ZBTB7C: variants seen among roughly 807,000 people sequenced by gnomAD.
ZBTB7C encodes zinc finger and BTB domain-containing protein 7C.
ZBTB7C carries 8 observed loss-of-function variants against 25.7 expected under a neutral mutation model. The observed-to-expected ratio is 0.31, with a 90% CI of 0.18 to 0.56. ZBTB7C has a LOEUF of 0.56. ZBTB7C is among the 20% of genes least tolerant of loss of function. The probability of loss-of-function intolerance (pLI) is 0.91; values close to 1 mark genes in which losing one functional copy is unlikely to be tolerated. For synonymous variants in ZBTB7C, 394 were observed against 369.0 expected (o/e 1.07, Z -0.78); for missense variants, 824 against 855.2 (o/e 0.96, Z 0.46).
intron 1 of ZBTB7C, among the ~76,000 whole-genome samples, chr18:48,377,473 A>G (rs1263514365): frequency 6.6e-6 from 1 of 152,234 alleles, no homozygotes; most frequent in African/African-American, 2.4e-5. Context: ...AAGGACAAAT[A>G]AGAGAAAACA....
At chr18:48,271,304 T>C (rs2044479191) in intron 2 of ZBTB7C, among the ~76,000 whole-genome samples, 1 of 152,120 alleles carries the variant, frequency 6.6e-6, no homozygotes. Context: ...AGTTGTTGAC[T>C]AGGCTCACTT....
intron 3 of ZBTB7C, among the ~76,000 whole-genome samples, chr18:48,139,405 A>G (rs2040273258): frequency 6.6e-6 from 1 of 152,062 alleles, no homozygotes; most frequent in Non-Finnish European, 1.5e-5. Context: ...GGGAAGCTGT[A>G]GGGAGGGGTG....
intron 1 of ZBTB7C, among the ~76,000 whole-genome samples, chr18:48,384,794 G>A (rs373969424): frequency 1.5e-4 from 23 of 152,162 alleles, no homozygotes; most frequent in African/African-American, 4.8e-4. Context: ...CAATTCTCAC[G>A]CCTCAGCCTC....
intron 3 of ZBTB7C, among the ~76,000 whole-genome samples, chr18:48,061,547 C>G (rs2037125793): frequency 6.6e-6 from 1 of 152,220 alleles, no homozygotes; most frequent in Non-Finnish European, 1.5e-5. Flanking sequence ...GCATACTCAA[C>G]AATGAGTTTC....
intron 3 of ZBTB7C, among the ~76,000 whole-genome samples, chr18:48,175,909 A>G (rs1247646321): frequency 2.0e-5 from 3 of 152,214 alleles, no homozygotes; most frequent in Non-Finnish European, 4.4e-5. Flanking sequence ...GCAAGAATGG[A>G]GGCAGTGCTG....
intron 3 of ZBTB7C, among the ~76,000 whole-genome samples, chr18:48,044,971 C>T (rs2036411284): frequency 6.6e-6 from 1 of 152,258 alleles, no homozygotes; most frequent in South Asian, 2.1e-4. Context: ...GAGCCTGCAT[C>T]TGGCTCCCCA....
intron 3 of ZBTB7C, among the ~76,000 whole-genome samples, chr18:48,135,746 C>T (rs532950473): frequency 2.0e-5 from 3 of 152,316 alleles, no homozygotes; most frequent in East Asian, 1.9e-4. Context: ...CAAGCCAGCG[C>T]GCCCCTCCCC....
intron 2 of ZBTB7C, among the ~76,000 whole-genome samples, chr18:48,228,758 C>CAG (rs2043174602): frequency 1.3e-5 from 2 of 151,462 alleles, no homozygotes; most frequent in South Asian, 4.2e-4. Context: ...CACACACACA[C>CAG]ACACACACAC....
intron 4 of ZBTB7C, among the ~76,000 whole-genome samples, chr18:48,030,459 T>C (rs2035694995): frequency 6.6e-6 from 1 of 152,236 alleles, no homozygotes. Context: ...GGGCACACCT[T>C]GTTCAAACCT....
chr18:48,193,480 A>G (rs2042246975), intron 2 of ZBTB7C, among the ~76,000 whole-genome samples: 1 of 152,234 alleles, frequency 6.6e-6, no homozygotes, highest in Admixed American at 6.5e-5. Context: ...ATCCAAAAAA[A>G]AACCTGATTA....
At chr18:48,146,005 A>C (rs537204932) in intron 3 of ZBTB7C, among the ~76,000 whole-genome samples, 1 of 152,346 alleles carries the variant, frequency 6.6e-6, no homozygotes, top group East Asian at 1.9e-4. Flanking sequence ...ATCAGCATTG[A>C]GTATAATACG....
intron 3 of ZBTB7C, among the ~76,000 whole-genome samples, chr18:48,182,005 C>T (rs2041937923): frequency 6.6e-6 from 1 of 152,176 alleles, no homozygotes; most frequent in Non-Finnish European, 1.5e-5. Flanking sequence ...GAGCTGTGGG[C>T]TCTGTATTAC....
chr18:48,098,614 T>C (rs923906202), intron 3 of ZBTB7C, among the ~76,000 whole-genome samples: 2 of 152,162 alleles, frequency 1.3e-5, no homozygotes, highest in African/African-American at 4.8e-5. Context: ...TTCTGTGGAT[T>C]CTCCGCTCCC....
At chr18:48,385,053 C>T (rs892957133) in intron 1 of ZBTB7C, among the ~76,000 whole-genome samples, 3 of 152,114 alleles carry the variant, frequency 2.0e-5, no homozygotes, top group Admixed American at 6.5e-5. Context: ...AATGATTGGA[C>T]ACCCCTAAGC....
intron 2 of ZBTB7C, among the ~76,000 whole-genome samples, chr18:48,226,709 G>A (rs16948929): frequency 0.025 from 3,852 of 152,250 alleles, 170 homozygotes; most frequent in African/African-American, 0.088. Context: ...GATTGAGTTT[G>A]AGCATCATAC....
chr18:48,257,085 A>C (rs894379074), intron 2 of ZBTB7C, among the ~76,000 whole-genome samples: 1 of 152,024 alleles, frequency 6.6e-6, no homozygotes, highest in African/African-American at 2.4e-5. Context: ...GATATAAAGG[A>C]AGACCCAACT....
intron 2 of ZBTB7C, among the ~76,000 whole-genome samples, chr18:48,237,110 T>A (rs1458133638): frequency 6.6e-6 from 1 of 152,110 alleles, no homozygotes; most frequent in Non-Finnish European, 1.5e-5. Flanking sequence ...GGGGGAGCAA[T>A]ATTCTGGCTT....
chr18:48,339,969 A>C (rs1001269610), intron 1 of ZBTB7C, among the ~76,000 whole-genome samples: 1 of 152,218 alleles, frequency 6.6e-6, no homozygotes, highest in Non-Finnish European at 1.5e-5. Flanking sequence ...ACTTCTCTGC[A>C]AAGCAACAGA....
intron 2 of ZBTB7C, among the ~76,000 whole-genome samples, chr18:48,196,936 T>A (rs911085443): frequency 2.6e-5 from 4 of 152,158 alleles, no homozygotes; most frequent in African/African-American, 9.7e-5. Context: ...GAAAGCTAAT[T>A]TCCTTCCAGA....
Sources: gnomAD v4.1 joint callset for allele counts (sites outside exome capture counted in the v4.1 genomes callset) on GRCh38, gnomAD v4.1.1 for gene constraint, MANE v1.5 for transcripts, NCBI Gene and HGNC (gene_info 2026-07-23, HGNC 2026-07-21) for gene names.